SPECC1L: variants seen among roughly 807,000 people sequenced by gnomAD.
SPECC1L encodes sperm antigen with calponin homology and coiled-coil domains 1 like, also known as cytospin-A.
In SPECC1L, 40 loss-of-function variants were observed where a neutral mutation model predicts 116.8. That is an observed-to-expected ratio of 0.34 (90% CI 0.27 to 0.45). The LOEUF (loss-of-function observed/expected upper bound fraction) is 0.45, where lower values mean the gene tolerates loss of function less well. Ranked by LOEUF, SPECC1L falls within the 20% of genes least tolerant of loss-of-function variation. The pLI, the probability that SPECC1L is intolerant of heterozygous loss-of-function variation, is 1.00. For missense variants in SPECC1L, 1,110 were observed against 1,373.6 expected (o/e 0.81, Z 3.03); for synonymous variants, 504 against 500.6 (o/e 1.01, Z -0.09).
At chr22:24,411,792 ATGCCACAGCGCTGGC>A in intron 15 of SPECC1L, 88 bp downstream of exon 15, 1 of 1,089,530 alleles carries the variant, frequency 9.2e-7, no homozygotes, top group South Asian at 1.2e-5. Flanking sequence ...AGCAGGTCAC[ATGCCACAGCGCTGGC>A]TTGCGATTGC....
chr22:24,341,049 G>A (rs1199952486), intron 10 of SPECC1L, among the ~76,000 whole-genome samples: 3 of 152,106 alleles, frequency 2.0e-5, no homozygotes, highest in East Asian at 3.8e-4. Context: ...TTTCCTGGAG[G>A]CAATTTCCAG....
intron 2 of SPECC1L, among the ~76,000 whole-genome samples, chr22:24,282,125 C>G (rs2048955534): frequency 6.6e-6 from 1 of 152,212 alleles, no homozygotes; most frequent in South Asian, 2.1e-4. Flanking sequence ...GCCACAAGAT[C>G]AGATGAGCCA....
intron 4 of SPECC1L, among the ~76,000 whole-genome samples, chr22:24,316,273 T>TA (rs2040561462): frequency 1.7e-5 from 2 of 120,550 alleles, no homozygotes; most frequent in African/African-American, 7.0e-5. Context: ...ACAGATTTTC[T>TA]TTTTATTTAT....
At chr22:24,368,978 T>C (rs2041824787) in intron 13 of SPECC1L, among the ~76,000 whole-genome samples, 1 of 152,214 alleles carries the variant, frequency 6.6e-6, no homozygotes, top group Admixed American at 6.5e-5. Context: ...TTGTACTGTC[T>C]TTGCCACTTT....
intron 11 of SPECC1L, among the ~76,000 whole-genome samples, chr22:24,348,680 C>T (rs947896633): frequency 1.3e-5 from 2 of 152,244 alleles, no homozygotes; most frequent in African/African-American, 4.8e-5. Flanking sequence ...ATCCCGCCTC[C>T]CAGATGAACC....
chr22:24,364,899 G>GGT (rs1213831987), intron 12 of SPECC1L, among the ~76,000 whole-genome samples: 1 of 152,096 alleles, frequency 6.6e-6, no homozygotes, highest in Non-Finnish European at 1.5e-5. Context: ...CTATGTGCTT[G>GGT]GTAGGTACTG....
intron 14 of SPECC1L, among the ~76,000 whole-genome samples, chr22:24,395,569 T>G: frequency 6.6e-6 from 1 of 152,200 alleles, no homozygotes; most frequent in East Asian, 1.9e-4. Context: ...TAAGAGACAT[T>G]TTCATGGATT....
chr22:24,380,390 C>G (rs902135789), intron 14 of SPECC1L, among the ~76,000 whole-genome samples: 14 of 152,140 alleles, frequency 9.2e-5, no homozygotes, highest in Non-Finnish European at 1.6e-4. Flanking sequence ...TTTATGAGAG[C>G]AGAAGCTGTT....
chr22:24,401,831 T>C (rs1217757465), intron 14 of SPECC1L, among the ~76,000 whole-genome samples: 1 of 152,190 alleles, frequency 6.6e-6, no homozygotes, highest in African/African-American at 2.4e-5. Flanking sequence ...TCACACCACG[T>C]GAATGAATGT....
At chr22:24,391,193 GCA>G (rs2042268296) in intron 14 of SPECC1L, among the ~76,000 whole-genome samples, 1 of 151,986 alleles carries the variant, frequency 6.6e-6, no homozygotes, top group African/African-American at 2.4e-5. Context: ...GTTCTTTACT[GCA>G]CACAGCAGAG....
At chr22:24,304,625 A>C (rs751369011) in intron 3 of SPECC1L, among the ~76,000 whole-genome samples, 4 of 152,230 alleles carry the variant, frequency 2.6e-5, no homozygotes, top group Admixed American at 6.5e-5. Context: ...TCAGGTGTTC[A>C]TGATTAGTTC....
At chr22:24,410,716 G>A (rs2042679913) in intron 14 of SPECC1L, among the ~76,000 whole-genome samples, 1 of 152,174 alleles carries the variant, frequency 6.6e-6, no homozygotes, top group African/African-American at 2.4e-5. Flanking sequence ...AGGGGGCCAC[G>A]TTGTTGCTCT....
chr22:24,414,782 T>A lies in SPECC1L; in HGVS notation c.*159T>A, dbSNP rs2042771752. 4.5e-6 allele frequency: 3 copies of A among 669,314 alleles called. No homozygotes were observed. The highest frequency in any genetic ancestry group is 8.0e-6 in the Non-Finnish European group (3 of 373,706). 41.5% of individuals were successfully genotyped at this position (669,314 alleles called of 1,614,324 possible). ...CTCGGGGCTTCCGTATTGGAAGAACTCAGCCGTGTGGCCCACAGCTCCCAC... is the reference window on the plus strand; with the variant it reads ...CTCGGGGCTTCCGTATTGGAAGAACACAGCCGTGTGGCCCACAGCTCCCAC... On this transcript the variant is annotated 3_prime_UTR_variant, in exon 17 of 17. Transcript: ENST00000314328.
chr22:24,404,653 G>A (rs1047592031), intron 14 of SPECC1L, among the ~76,000 whole-genome samples: 2 of 152,056 alleles, frequency 1.3e-5, no homozygotes, highest in South Asian at 2.1e-4. Context: ...CTGACCAGCC[G>A]GCCTCTGACT....
chr22:24,320,679 A>G (rs982980412), intron 4 of SPECC1L, among the ~76,000 whole-genome samples: 7 of 152,226 alleles, frequency 4.6e-5, no homozygotes, highest in Admixed American at 3.9e-4. Context: ...TATTTGTATA[A>G]CCAAGTGCTA....
intron 2 of SPECC1L, among the ~76,000 whole-genome samples, chr22:24,294,160 G>A (rs1417123598): frequency 2.7e-4 from 26 of 95,932 alleles, no homozygotes; most frequent in Non-Finnish European, 4.3e-4. Flanking sequence ...AGTTGAACCT[G>A]TGTTTACTCT....
intron 11 of SPECC1L, among the ~76,000 whole-genome samples, chr22:24,354,515 T>G (rs2041489391): frequency 6.6e-6 from 1 of 152,178 alleles, no homozygotes; most frequent in Admixed American, 6.5e-5. Context: ...CAGTGGCTGT[T>G]GAGAGATCTT....
intron 11 of SPECC1L, among the ~76,000 whole-genome samples, chr22:24,355,612 C>G (rs1211181816): frequency 2.0e-5 from 3 of 152,088 alleles, no homozygotes; most frequent in African/African-American, 7.2e-5. Flanking sequence ...CTTATAACTT[C>G]TTTCTTTTGG....
chr22:24,285,478 A>G (rs192271136), intron 2 of SPECC1L, among the ~76,000 whole-genome samples: 9 of 152,310 alleles, frequency 5.9e-5, no homozygotes, highest in Non-Finnish European at 1.2e-4. Context: ...TTGAACGCAT[A>G]TTCTACCCAA....
Sources: gnomAD v4.1 joint callset for allele counts (sites outside exome capture counted in the v4.1 genomes callset) on GRCh38, gnomAD v4.1.1 for gene constraint, MANE v1.5 for transcripts, NCBI Gene and HGNC (gene_info 2026-07-23, HGNC 2026-07-21) for gene names.